Variants in ATXN7L1 observed in about 807,000 individuals in gnomAD.
ATXN7L1 encodes the protein ataxin 7 like 1.
ATXN7L1 carries 15 observed loss-of-function variants against 70.8 expected under a neutral mutation model. That is an observed-to-expected ratio of 0.21 (90% CI 0.14 to 0.33). The LOEUF (loss-of-function observed/expected upper bound fraction) is 0.33. Ranked by LOEUF, ATXN7L1 falls within the 10% of genes least tolerant of loss-of-function variation. The pLI, the probability that ATXN7L1 is intolerant of heterozygous loss-of-function variation, is 1.00. For synonymous variants in ATXN7L1, 440 were observed against 445.1 expected, an observed-to-expected ratio of 0.99 and a Z score of 0.14; for missense variants, 975 against 1,097.1, an observed-to-expected ratio of 0.89 and a Z score of 1.57.
intron 2 of ATXN7L1, among the ~76,000 whole-genome samples, chr7:105,846,121 G>T (rs1585139257): frequency 6.6e-6 from 1 of 151,738 alleles, no homozygotes; most frequent in African/African-American, 2.4e-5. Context: ...ACCCACAGAA[G>T]GGAAAAATAT....
In ATXN7L1 at chr7:105,614,160, C is replaced by A; in HGVS notation, c.2174G>T (p.Gly725Val). 1.9e-6 allele frequency: 3 copies of A among 1,551,650 alleles called. No individual in the cohort carries two copies. Among genetic ancestry groups the A allele is most frequent in the Admixed American group, 2.0e-5 (1 of 51,004 alleles). ...EPSGRTSLPG[G>V]PADIVRQVGA... ...CACCTGTCTCACTATGTCCGCGGGG[C>A]CGCCGGGCAGCGAGGTCCGTCCTGA... The change falls in exon 10 of 12, where the codon GGC (glycine) becomes GTC (valine). Residue 725 changes from glycine to valine, a missense_variant. By Grantham distance (109) the Gly-to-Val change is moderately radical. Coordinates refer to ENST00000419735, the MANE Select transcript of ATXN7L1 (RefSeq NM_020725.2). The surrounding 1 kb of genome is among the most constrained non-coding windows in gnomAD (Gnocchi z 4.3).
rs373155969 is a variant in ATXN7L1 at position 105,613,866 on chromosome 7, C to A, written c.2468G>T (p.Arg823Leu). ...CGGTGCCAGGAGGTCCCTTACCTGC[C>A]GAGAGGAGGTGCTGTTAACGGGATC... The part of the protein sequence containing the change: ...VPDPVNSTSS[R>L]QVGKNSSLAL... Residue 823 changes from arginine (R) to leucine (L), a missense_variant, in exon 10 of 12, where the codon CGG becomes CTG. Around this residue, in one of 5 missense-constraint regions of ATXN7L1, gnomAD observed 635 missense variants for 699.4 expected, o/e 0.91. Transcript: ENST00000419735. 2 of 1,551,908 alleles carry A rather than the reference C, an allele frequency of 1.3e-6. No individual in the cohort carries two copies. Among genetic ancestry groups the A allele is most frequent in the Non-Finnish European group, 1.7e-6 (2 of 1,147,026 alleles).
intron 7 of ATXN7L1, among the ~76,000 whole-genome samples, chr7:105,632,693 G>A (rs1386271823): frequency 6.6e-6 from 1 of 151,914 alleles, no homozygotes; most frequent in East Asian, 1.9e-4. Context: ...GAGGCTGAGG[G>A]CAGGTTGCTT....
chr7:105,852,767 T>C (rs895493055), intron 2 of ATXN7L1, among the ~76,000 whole-genome samples: 3 of 151,774 alleles, frequency 2.0e-5, no homozygotes, highest in Non-Finnish European at 4.4e-5. Context: ...CACTCACAGA[T>C]GGAAACAGGT....
At position 105,613,866 on chromosome 7, in the gene ATXN7L1, C is replaced by G. The variant is rs373155969; in HGVS notation, c.2468G>C (p.Arg823Pro). The G allele has an allele frequency of 6.1e-5, 94 of 1,551,908 alleles. 1 individual carries two copies. In the South Asian group the frequency reaches 1.1e-3, roughly 18 times the overall value. ...VPDPVNSTSS[R>P]QVGKNSSLAL... ...CGGTGCCAGGAGGTCCCTTACCTGC[C>G]GAGAGGAGGTGCTGTTAACGGGATC... Residue 823 changes from arginine to proline, a missense_variant, in exon 10 of 12, where the codon CGG becomes CCG. This residue lies in a region of ATXN7L1 where 635 missense variants were observed against 699.4 expected (regional missense o/e 0.91). Transcript: ENST00000419735.
intron 3 of ATXN7L1, chr7:105,760,327 AG>A (rs1800381278): frequency 9.8e-6 from 9 of 920,264 alleles, no homozygotes; most frequent in Non-Finnish European, 1.2e-5. Flanking sequence ...CAACCATATG[AG>A]GGGGCTGTTA....
chr7:105,807,042 C>T (rs1807722531), intron 2 of ATXN7L1, among the ~76,000 whole-genome samples: 2 of 152,230 alleles, frequency 1.3e-5, no homozygotes, highest in African/African-American at 4.8e-5. Flanking sequence ...GGCCAGGGCA[C>T]GCTGCCATCC....
intron 3 of ATXN7L1, among the ~76,000 whole-genome samples, chr7:105,699,024 G>C (rs1393977498): frequency 6.6e-6 from 1 of 152,256 alleles, no homozygotes; most frequent in South Asian, 2.1e-4. Flanking sequence ...GTTCAAGTTA[G>C]GGAGAAGGCA....
chr7:105,614,434 T>C lies in ATXN7L1; in HGVS notation c.1900A>G (p.Thr634Ala). Reference protein sequence around the residue: ...SKSSKVKDLSTRSDESPSNKK... With the variant: ...SKSSKVKDLSARSDESPSNKK... ...TTACTTGGAGACTCGTCGCTACGGG[T>C]GGACAGGTCTTTGACTTTTGAGGAT... is the stretch of plus-strand genomic sequence containing the variant. Residue 634 changes from threonine (T) to alanine (A), a missense_variant, in exon 10 of 12, where the codon ACC becomes GCC. This residue lies in a region of ATXN7L1 where 635 missense variants were observed against 699.4 expected (regional missense o/e 0.91). Coordinates refer to ENST00000419735, the MANE Select transcript of ATXN7L1 (RefSeq NM_020725.2). This position sits in a 1 kb window ranked among gnomAD's most constrained non-coding sequence, Gnocchi z 4.3. 6.5e-7 allele frequency: 1 copy of C among 1,548,508 alleles called. No homozygotes were observed. Among genetic ancestry groups the C allele is most frequent in the Non-Finnish European group, 8.7e-7 (1 of 1,145,280 alleles).
chr7:105,676,853 A>C (rs1208834235), intron 3 of ATXN7L1, among the ~76,000 whole-genome samples: 1 of 152,148 alleles, frequency 6.6e-6, no homozygotes, highest in Non-Finnish European at 1.5e-5. Context: ...AAAACAAAAC[A>C]AAACAAAAAA....
At chr7:105,802,207 A>G (rs146178224) in intron 2 of ATXN7L1, among the ~76,000 whole-genome samples, 52 of 152,306 alleles carry the variant, frequency 3.4e-4, no homozygotes, top group African/African-American at 1.2e-3. Context: ...TCAATCCTTC[A>G]TCACCATTAG....
chr7:105,863,931 T>C (rs1306632069), intron 2 of ATXN7L1, among the ~76,000 whole-genome samples: 1 of 151,938 alleles, frequency 6.6e-6, no homozygotes, highest in African/African-American at 2.4e-5. Flanking sequence ...AAAATAAATT[T>C]AAAACACAAA....
chr7:105,740,768 C>CTTTTTTTTTTTTTTTTTTTT (rs1563055385), intron 3 of ATXN7L1, among the ~76,000 whole-genome samples: 3 of 98,240 alleles, frequency 3.1e-5, no homozygotes, highest in African/African-American at 5.5e-5. Context: ...TGGCTCCATT[C>CTTTTTTTTTTTTTTTTTTTT]ATTTTTTTTT....
intron 2 of ATXN7L1, among the ~76,000 whole-genome samples, chr7:105,852,164 C>T (rs62482787): frequency 0.14 from 21,850 of 152,096 alleles, 1,705 homozygotes; most frequent in Middle Eastern, 0.21. Flanking sequence ...CTCTCTAGTC[C>T]CCCATGAATT....
chr7:105,613,819 T>C, intron 10 of ATXN7L1, 43 bp downstream of exon 10: 1 of 1,551,634 alleles, frequency 6.4e-7, no homozygotes, highest in Non-Finnish European at 8.7e-7. Flanking sequence ...CAGCTCCCCC[T>C]GCCCCCCAGA....
chr7:105,624,164 G>C lies in ATXN7L1; in HGVS notation c.1306C>G (p.Leu436Val). The part of the protein sequence containing the change: ...PPVGGDLASR[L>V]SSDEGEMDGA... ...TCCATCTCCCCTTCATCACTGGACA[G>C]TCGGCTGGCGAGGTCACCTCCAACC... Residue 436 changes from leucine (L) to valine (V), a missense_variant, in exon 8 of 12, where the codon CTG becomes GTG. This residue lies in a region of ATXN7L1 where 635 missense variants were observed against 699.4 expected (regional missense o/e 0.91). Coordinates refer to ENST00000419735, the MANE Select transcript of ATXN7L1 (RefSeq NM_020725.2). 6.5e-7 allele frequency: 1 copy of C among 1,534,728 alleles called. No individual in the cohort carries two copies. Among genetic ancestry groups the C allele is most frequent in the Non-Finnish European group, 8.8e-7 (1 of 1,137,658 alleles).
chr7:105,839,309 GT>G (rs561341171), intron 2 of ATXN7L1, among the ~76,000 whole-genome samples: 105 of 152,148 alleles, frequency 6.9e-4, no homozygotes, highest in African/African-American at 2.4e-3. Flanking sequence ...TTGCCTGATG[GT>G]TTGGCATCTC....
At chr7:105,790,642 CT>C (rs369213286) in intron 2 of ATXN7L1, among the ~76,000 whole-genome samples, 9,921 of 104,536 alleles carry the variant, frequency 0.095, 343 homozygotes, top group Non-Finnish European at 0.099. Context: ...ATCTATCTAT[CT>C]ATCTATCTAT....
At chr7:105,725,748 T>G (rs1275806743) in intron 3 of ATXN7L1, among the ~76,000 whole-genome samples, 1 of 152,022 alleles carries the variant, frequency 6.6e-6, no homozygotes, top group Non-Finnish European at 1.5e-5. Context: ...GCCCAGCTAA[T>G]TTTTGTATTT....
Sources: gnomAD v4.1 joint callset for allele counts (sites outside exome capture counted in the v4.1 genomes callset) on GRCh38, gnomAD v4.1.1 for gene constraint, gnomAD v4.1.1 regional missense constraint, Gnocchi (gnomAD v3.1) non-coding constraint, MANE v1.5 for transcripts, NCBI Gene and HGNC (gene_info 2026-07-23, HGNC 2026-07-21) for gene names.